JADE2: variants seen among roughly 807,000 people sequenced by gnomAD.
The protein encoded by JADE2 is jade family PHD finger 2.
A neutral mutation model predicts 85.7 loss-of-function variants in JADE2; 13 were observed. The observed-to-expected ratio is 0.15, with a 90% CI of 0.10 to 0.24. The LOEUF (loss-of-function observed/expected upper bound fraction) is 0.24. JADE2 is among the 10% of genes least tolerant of loss of function. The pLI is 1.00. For missense variants in JADE2, 846 were observed against 1,115.9 expected, an observed-to-expected ratio of 0.76 and a Z score of 3.45; for synonymous variants, 440 against 456.1, an observed-to-expected ratio of 0.96 and a Z score of 0.45.
chr5:134,579,210 G>C lies in JADE2; in HGVS notation c.2398G>C (p.Gly800Arg), dbSNP rs1464222778. Reference sequence around the variant, plus strand: ...TGAGACTGATGGCTACTTCTCTGATGGGGAGATGAGCGACTCAGATGTAGA... The same window carrying C: ...TGAGACTGATGGCTACTTCTCTGATCGGGAGATGAGCGACTCAGATGTAGA... ...DTETDGYFSD[G>R]EMSDSDVEAE... Residue 800 changes from glycine (G) to arginine (R), a missense_variant, in exon 12 of 12, where the codon GGG (glycine) becomes CGG (arginine). Coordinates refer to ENST00000681547, the MANE Select transcript of JADE2 (RefSeq NM_001388185.1). The surrounding 1 kb of genome is among the most constrained non-coding windows in gnomAD (Gnocchi z 4.6). 1 of 1,614,200 alleles carries C rather than the reference G, an allele frequency of 6.2e-7. No homozygotes were observed. The highest frequency in any genetic ancestry group is 1.7e-5 in the Admixed American group (1 of 60,034).
rs745623644 is a variant in JADE2, at chr5:134,566,202, C to G, written c.1056C>G (p.Asn352Lys). ...AAATGCGGACTATATTAGCAGACAA[C>G]GATGAGGTCAAGTTCAAGTCATTCT... Reference protein sequence around the residue: ...GLEMRTILADNDEVKFKSFCQ... With the variant: ...GLEMRTILADKDEVKFKSFCQ... The change falls in exon 9 of 12, where the codon AAC becomes AAG. Residue 352 changes from asparagine (N) to lysine (K), a missense_variant. Asn to Lys is a moderately conservative substitution (Grantham distance 94). Around this residue, in one of 9 missense-constraint regions of JADE2, gnomAD observed 39 missense variants for 37.6 expected, o/e 1.04. Coordinates refer to ENST00000681547, the MANE Select transcript of JADE2 (RefSeq NM_001388185.1). The surrounding 1 kb of genome is among the most constrained non-coding windows in gnomAD (Gnocchi z 6.7). 1 of 1,613,976 alleles carries G rather than the reference C, an allele frequency of 6.2e-7. No individual in the cohort carries two copies. Among genetic ancestry groups the G allele is most frequent in the Non-Finnish European group, 8.5e-7 (1 of 1,180,038 alleles).
At chr5:134,524,931 A>G (rs1760711783), upstream of JADE2, among the ~76,000 whole-genome samples, 1 of 152,078 alleles carries the variant, frequency 6.6e-6, no homozygotes, top group South Asian at 2.1e-4. Context: ...ACGCCACGCA[A>G]TTTATTCGAT....
intron 9 of JADE2, among the ~76,000 whole-genome samples, chr5:134,570,105 A>AC (rs890329289): frequency 1.3e-5 from 2 of 152,042 alleles, no homozygotes; most frequent in Non-Finnish European, 2.9e-5. Context: ...TGAGGCCAGA[A>AC]CCCTGGCAGA....
intron 4 of JADE2, among the ~76,000 whole-genome samples, chr5:134,552,987 CTTTTTTTT>C (rs34182692): frequency 1.6e-5 from 1 of 62,394 alleles, no homozygotes; most frequent in Admixed American, 2.6e-4. Flanking sequence ...TGGGCCTGGC[CTTTTTTTT>C]TTTTTTTTTT....
chr5:134,567,495 G>C (rs1380759546), intron 9 of JADE2, among the ~76,000 whole-genome samples: 1 of 152,160 alleles, frequency 6.6e-6, no homozygotes, highest in African/African-American at 2.4e-5. Context: ...GACATTTCTA[G>C]GGTTCCAGAG....
chr5:134,572,351 G>A (rs545618321), intron 9 of JADE2, among the ~76,000 whole-genome samples: 1 of 152,258 alleles, frequency 6.6e-6, no homozygotes, highest in East Asian at 1.9e-4. Context: ...GGAGGCCTGA[G>A]GCTGGAGCCA....
intron 3 of JADE2, among the ~76,000 whole-genome samples, chr5:134,538,678 C>G (rs1174696554): frequency 6.6e-6 from 1 of 152,092 alleles, no homozygotes; most frequent in African/African-American, 2.4e-5. Context: ...CTCCTGGACA[C>G]CTGGACCCTC....
intron 1 of JADE2, chr5:134,526,366 GC>G: frequency 1.0e-6 from 1 of 985,088 alleles, no homozygotes; most frequent in Non-Finnish European, 1.2e-6. Flanking sequence ...GGGCGGGGGC[GC>G]GCCAGGGCTG....
intron 1 of JADE2, chr5:134,533,660 G>T: frequency 1.3e-6 from 1 of 746,640 alleles, no homozygotes; most frequent in Non-Finnish European, 1.6e-6. Context: ...GTTGCGCTGG[G>T]CTGGGCTGAG....
At chr5:134,542,634 G>T (rs971848354) in intron 3 of JADE2, among the ~76,000 whole-genome samples, 3 of 151,900 alleles carry the variant, frequency 2.0e-5, no homozygotes, top group Admixed American at 6.6e-5. Context: ...TAGAGACAGG[G>T]TTTCTCCACG....
In JADE2 at chr5:134,566,247, G is replaced by A. The variant is rs141532868; in HGVS notation, c.1101G>A (p.Gly367=). 4 of 1,614,022 alleles carry A rather than the reference G, an allele frequency of 2.5e-6. No individual in the cohort carries two copies. The highest frequency in any genetic ancestry group is 3.4e-6 in the Non-Finnish European group (4 of 1,180,060). ...CATTCTGCCAGGAGCACAGTGACGG[G>A]GGCCCACGTAATGAGCCCACATCTG... ...FKSFCQEHSD[G]GPRNEPTSEP... The change falls in exon 9 of 12, where the codon GGG becomes GGA. Residue 367 remains glycine (G), a synonymous_variant. Coordinates refer to ENST00000681547, the MANE Select transcript of JADE2 (RefSeq NM_001388185.1). This position sits in a 1 kb window ranked among gnomAD's most constrained non-coding sequence, Gnocchi z 6.7.
intron 10 of JADE2, among the ~76,000 whole-genome samples, chr5:134,576,099 T>C (rs1282974330): frequency 6.6e-6 from 1 of 152,136 alleles, no homozygotes; most frequent in Non-Finnish European, 1.5e-5. Flanking sequence ...CTCAGGAGGC[T>C]GAGGCTGGAG....
intron 3 of JADE2, among the ~76,000 whole-genome samples, chr5:134,543,408 C>A (rs1402990647): frequency 1.3e-5 from 2 of 151,388 alleles, no homozygotes; most frequent in Non-Finnish European, 2.9e-5. Flanking sequence ...TGCGGTGGCT[C>A]ATGCCTGTAA....
At chr5:134,543,168 A>G (rs575057845) in intron 3 of JADE2, among the ~76,000 whole-genome samples, 1 of 149,348 alleles carries the variant, frequency 6.7e-6, no homozygotes, top group Admixed American at 6.6e-5. Context: ...CCAAGTAGCT[A>G]GGATTACAGG....
intron 9 of JADE2, among the ~76,000 whole-genome samples, chr5:134,573,349 A>G (rs1764154634): frequency 6.6e-6 from 1 of 152,038 alleles, no homozygotes; most frequent in African/African-American, 2.4e-5. Context: ...TCAGAGGAGG[A>G]AGGTGGGCAT....
At position 134,580,071 on chromosome 5, in the gene JADE2, G is replaced by A. The variant is rs72798695; in HGVS notation, c.*754G>A. The A allele has an allele frequency of 0.11, 17,375 of 152,664 alleles. 1,139 individuals carry two copies. Among genetic ancestry groups the A allele is most frequent in the East Asian group, 0.2 (1,021 of 5,158 alleles). The allele number at this position is 152,664 out of a possible 1,614,324, so 9.5% of individuals were successfully genotyped here. ...GGGACTCCCAAACAGCCAGCTGCCA[G>A]TGCAGGTGGAGGGCTGTAGGGGAGG... On this transcript the variant is annotated 3_prime_UTR_variant, in exon 12 of 12. Coordinates refer to ENST00000681547, the MANE Select transcript of JADE2 (RefSeq NM_001388185.1).
At chr5:134,529,253 C>T (rs1018578494) in intron 1 of JADE2, among the ~76,000 whole-genome samples, 4 of 152,178 alleles carry the variant, frequency 2.6e-5, no homozygotes, top group African/African-American at 4.8e-5. Context: ...GAGCAGGATA[C>T]CCCTGGCTTG....
chr5:134,566,377 G>T lies in JADE2; in HGVS notation c.1231G>T (p.Ala411Ser). 6.2e-7 allele frequency: 1 copy of T among 1,614,048 alleles called. No individual in the cohort carries two copies. The highest frequency in any genetic ancestry group is 8.5e-7 in the Non-Finnish European group (1 of 1,180,004). ...GGACTTCTACGAGCTGGTGGAGCCG[G>T]CTGAGGTGGCTGAGCGGCTGGACCT... ...EEDFYELVEP[A>S]EVAERLDLAE... The change falls in exon 9 of 12, where the codon GCT becomes TCT. Residue 411 changes from alanine to serine, a missense_variant. Around this residue, in one of 9 missense-constraint regions of JADE2, gnomAD observed 88 missense variants for 140.6 expected, o/e 0.63. Transcript: ENST00000681547. This position sits in a 1 kb window ranked among gnomAD's most constrained non-coding sequence, Gnocchi z 6.7.
chr5:134,554,220 G>C (rs1358924470), intron 4 of JADE2, among the ~76,000 whole-genome samples: 4 of 152,156 alleles, frequency 2.6e-5, no homozygotes, highest in Non-Finnish European at 5.9e-5. Context: ...GGAAGGGGAG[G>C]GGTCAGGCAA....
Sources: allele counts gnomAD v4.1 joint callset (sites outside exome capture counted in the v4.1 genomes callset), GRCh38; gene constraint gnomAD v4.1.1; regional missense constraint gnomAD v4.1.1; non-coding constraint Gnocchi (gnomAD v3.1); transcripts MANE v1.5; gene names NCBI Gene and HGNC (gene_info 2026-07-23, HGNC 2026-07-21).